SHD: variants seen among roughly 807,000 people sequenced by gnomAD.
SHD encodes SH2 domain-containing adapter protein D.
Under a neutral mutation model 31.2 loss-of-function variants are expected in SHD, and 29 were observed. The ratio of observed to expected loss-of-function variants is 0.93; its 90% CI spans 0.69 to 1.27. The LOEUF is 1.27. Ranked by LOEUF, SHD falls within the 50% of genes most tolerant of loss-of-function variation. SHD has a pLI of 0.00. For synonymous variants in SHD, 208 were observed against 187.8 expected, an observed-to-expected ratio of 1.11 and a Z score of -0.88; for missense variants, 520 against 453.8, an observed-to-expected ratio of 1.15 and a Z score of -1.33.
chr19:4,290,338 G>A, intron 5 of SHD, 109 bp from the exon 6 acceptor site: 1 of 1,171,716 alleles, frequency 8.5e-7, no homozygotes, highest in Middle Eastern at 2.1e-4. Context: ...ACCAGAGACT[G>A]GAGACACACG....
rs761821848 is a variant in SHD at position 4,290,530 on chromosome 19, C to A, written c.920C>A (p.Pro307His). ...CTGGGCCAACACAGCGGGCCCTTCC[C>A]CAGCGTGCCCGAGCTCGTCCTCCAC... ...VVLGQHSGPF[P>H]SVPELVLHYS... Residue 307 changes from proline (P) to histidine (H), a missense_variant, in exon 6 of 6, where the codon CCC becomes CAC. Coordinates refer to ENST00000543264, the MANE Select transcript of SHD (RefSeq NM_020209.4). 3 of 1,613,666 alleles carry A rather than the reference C, an allele frequency of 1.9e-6. No homozygotes were observed. Among genetic ancestry groups the A allele is most frequent in the Non-Finnish European group, 2.5e-6 (3 of 1,180,016 alleles).
At chr19:4,288,432 AG>A (rs1971343234) in intron 5 of SHD, 70 bp downstream of exon 5, 1 of 1,427,040 alleles carries the variant, frequency 7.0e-7, no homozygotes, top group African/African-American at 1.5e-5. Flanking sequence ...GTTAATTCAG[AG>A]GGAAGGGGAG....
At chr19:4,286,806 C>T (rs1357160316) in intron 4 of SHD, among the ~76,000 whole-genome samples, 3 of 151,150 alleles carry the variant, frequency 2.0e-5, no homozygotes, top group African/African-American at 7.3e-5. Context: ...CTTGAACCTG[C>T]GAGGTGGAGG....
chr19:4,283,005 C>T (rs912711895), intron 2 of SHD, 30 bp downstream of exon 2: 7 of 1,613,848 alleles, frequency 4.3e-6, no homozygotes, highest in South Asian at 2.2e-5. Context: ...GGGAAGGTGA[C>T]AGGGTCCCAG....
In SHD at chr19:4,283,069, G is replaced by C. The variant is rs1341763020; in HGVS notation, c.419G>C (p.Gly140Ala). 5.0e-6 allele frequency: 8 copies of C among 1,613,860 alleles called. No homozygotes were observed. Among genetic ancestry groups the C allele is most frequent in the Admixed American group, 1.7e-5 (1 of 59,998 alleles). The change falls in exon 3 of 6, where the codon GGG becomes GCG. Residue 140 changes from glycine (G) to alanine (A), a missense_variant. By Grantham distance (60) the Gly-to-Ala change is moderately conservative. Transcript: ENST00000543264. The stretch of plus-strand genomic sequence containing the variant: ...GGCCTCCTAGAACTTCCCGGCAGAG[G>C]GGTGCAGCTCTATGACACCCCTTAT... ...QWVMSELPGR[G>A]VQLYDTPYEE... is the part of the protein sequence containing the mutation.
At chr19:4,288,445 G>A (rs1341590260) in intron 5 of SHD, 83 bp downstream of exon 5, 2 of 1,431,608 alleles carry the variant, frequency 1.4e-6, no homozygotes, top group Non-Finnish European at 1.9e-6. Context: ...GAAGGGGAGG[G>A]TGTGGCTCCC....
intron 4 of SHD, among the ~76,000 whole-genome samples, chr19:4,286,238 T>TC: frequency 3.3e-5 from 2 of 61,176 alleles, no homozygotes; most frequent in African/African-American, 9.1e-5. Flanking sequence ...TTCTTTTCTT[T>TC]CTTTCTTTCT....
In SHD at chr19:4,279,891, T is replaced by C. The variant is rs564427209; in HGVS notation, c.-173T>C. On this transcript the variant is annotated 5_prime_UTR_variant, in exon 1 of 6. Transcript: ENST00000543264. This position sits in a 1 kb window ranked among gnomAD's most constrained non-coding sequence, Gnocchi z 7.5. The stretch of plus-strand genomic sequence containing the variant: ...TCCTTTTCCTCCCCCTCGTTCACCT[T>C]TTCCTTCCCTCTATCCATCCAGAGC... 5.3e-6 allele frequency: 4 copies of C among 749,044 alleles called. No individual in the cohort carries two copies. In the South Asian group the frequency reaches 7.9e-5, roughly 15 times the overall value. 46.4% of individuals were successfully genotyped at this position (749,044 alleles called of 1,614,324 possible).
chr19:4,288,869 C>G (rs1219828690), intron 5 of SHD, among the ~76,000 whole-genome samples: 1 of 152,090 alleles, frequency 6.6e-6, no homozygotes, highest in Non-Finnish European at 1.5e-5. Flanking sequence ...AGCGCGGCAG[C>G]TGACGTCTGT....
intron 1 of SHD, among the ~76,000 whole-genome samples, 200 bp from the exon 2 acceptor site, chr19:4,282,670 C>T (rs992271593): frequency 3.3e-5 from 5 of 152,080 alleles, no homozygotes; most frequent in African/African-American, 4.8e-5. Flanking sequence ...GAGCCCAGAT[C>T]CCGCCACTGC....
chr19:4,280,365 G>A lies in SHD; in HGVS notation c.297+5G>A, dbSNP rs1302284159. 3.2e-6 allele frequency: 5 copies of A among 1,554,538 alleles called. No homozygotes were observed. In the South Asian group the frequency reaches 4.7e-5, roughly 15 times the overall value. On this transcript the variant is annotated splice_donor_5th_base_variant and intron_variant, in intron 1 of 5. Transcript: ENST00000543264. ...CTGGGCGGCCCCGGGGAGGAGGTGC[G>A]TGGCTGGGTGGCCTGGGGAGACTGG...
At chr19:4,282,631 A>G (rs10410006) in intron 1 of SHD, among the ~76,000 whole-genome samples, 98,322 of 151,552 alleles carry the variant, frequency 0.65, 31,895 homozygotes, top group Admixed American at 0.69. Context: ...CAGGAGAATG[A>G]CGTGAACCCA....
chr19:4,287,236 G>A (rs375865682), intron 4 of SHD, among the ~76,000 whole-genome samples: 8 of 152,074 alleles, frequency 5.3e-5, no homozygotes, highest in Admixed American at 1.3e-4. Context: ...GGAGGCTGAG[G>A]CAGGAGAATG....
chr19:4,286,306 T>A (rs200606926), intron 4 of SHD, among the ~76,000 whole-genome samples: 14 of 137,568 alleles, frequency 1.0e-4, no homozygotes, highest in African/African-American at 3.6e-4. Flanking sequence ...CTTCCTTCCT[T>A]CCTTCCTTCC....
At chr19:4,289,174 G>A (rs562688302) in intron 5 of SHD, among the ~76,000 whole-genome samples, 44 of 140,150 alleles carry the variant, frequency 3.1e-4, no homozygotes, top group African/African-American at 9.7e-4. Context: ...GCAGTGGCGC[G>A]ATCTCGGCTC....
chr19:4,285,697 G>A (rs1971301620), intron 4 of SHD, among the ~76,000 whole-genome samples: 2 of 150,340 alleles, frequency 1.3e-5, no homozygotes. Context: ...CTACAGGCGT[G>A]CACCACCATG....
intron 3 of SHD, among the ~76,000 whole-genome samples, chr19:4,283,735 C>A (rs569379645): frequency 1.8e-4 from 28 of 151,662 alleles, no homozygotes; most frequent in African/African-American, 5.6e-4. Context: ...CCCGCCACCA[C>A]GCCCGGCTAA....
At position 4,290,589 on chromosome 19, in the gene SHD, G is replaced by C. The variant is rs150781210; in HGVS notation, c.979G>C (p.Glu327Gln). 1.2e-6 allele frequency: 2 copies of C among 1,613,354 alleles called. No homozygotes were observed. Among genetic ancestry groups the C allele is most frequent in the Non-Finnish European group, 1.7e-6 (2 of 1,179,808 alleles). Residue 327 changes from glutamate (E) to glutamine (Q), a missense_variant, in exon 6 of 6, where the codon GAG (glutamate) becomes CAG (glutamine). Glu to Gln is a conservative substitution (Grantham distance 29, BLOSUM62 2). Coordinates refer to ENST00000543264, the MANE Select transcript of SHD (RefSeq NM_020209.4). ...SSRPLPVQGA[E>Q]HLALLYPVVT... is the part of the protein sequence containing the mutation. ...ACGCCCACTGCCGGTGCAGGGTGCC[G>C]AGCATCTGGCTCTGCTGTACCCCGT...
In SHD at chr19:4,283,089, C is replaced by T. The variant is rs377427035; in HGVS notation, c.439C>T (p.Pro147Ser). ...PGRGVQLYDT[P>S]YEEQDPETAD... is the part of the protein sequence containing the mutation. ...CAGAGGGGTGCAGCTCTATGACACC[C>T]CTTATGAGGAACAGGACCCAGAGAC... is the stretch of plus-strand genomic sequence containing the variant. Residue 147 changes from proline (P) to serine (S), a missense_variant, in exon 3 of 6, where the codon CCT becomes TCT. Pro to Ser is a moderately conservative substitution (Grantham distance 74). Transcript: ENST00000543264. 6.2e-7 allele frequency: 1 copy of T among 1,614,108 alleles called. No homozygotes were observed. The highest frequency in any genetic ancestry group is 1.1e-5 in the South Asian group (1 of 91,082).
Sources: gnomAD v4.1 joint callset for allele counts (sites outside exome capture counted in the v4.1 genomes callset) on GRCh38, gnomAD v4.1.1 for gene constraint, Gnocchi (gnomAD v3.1) non-coding constraint, MANE v1.5 for transcripts, NCBI Gene and HGNC (gene_info 2026-07-23, HGNC 2026-07-21) for gene names.